Variants in NCALD observed in about 807,000 individuals in gnomAD.
NCALD encodes neurocalcin delta.
NCALD carries 10 observed loss-of-function variants against 18.6 expected under a neutral mutation model. The ratio of observed to expected loss-of-function variants is 0.54; its 90% confidence interval spans 0.33 to 0.91. The LOEUF is 0.91. NCALD is among the 40% of genes least tolerant of loss of function. NCALD has a pLI of 0.03. For synonymous variants in NCALD, 88 were observed against 87.4 expected, an observed-to-expected ratio of 1.01 and a Z score of -0.04; for missense variants, 184 against 247.6, an observed-to-expected ratio of 0.74 and a Z score of 1.72.
intron 4 of NCALD, among the ~76,000 whole-genome samples, chr8:101,839,832 G>A (rs187432913): frequency 4.6e-5 from 7 of 152,164 alleles, no homozygotes; most frequent in Admixed American, 3.9e-4. Flanking sequence ...GTCCCTGAGA[G>A]GGAAGCTGTC....
chr8:101,754,980 T>C (rs1810815171), intron 1 of NCALD, among the ~76,000 whole-genome samples: 1 of 152,238 alleles, frequency 6.6e-6, no homozygotes, highest in South Asian at 2.1e-4. Context: ...AGACAGGTCT[T>C]CTAACTCCAA....
chr8:102,067,184 T>C (rs16868996), intron 1 of NCALD, among the ~76,000 whole-genome samples: 7,084 of 152,264 alleles, frequency 0.047, 216 homozygotes, highest in South Asian at 0.082. Flanking sequence ...CCACCTGTTA[T>C]ATGTGCAAAC....
At chr8:101,886,780 AG>A (rs1816689556) in intron 4 of NCALD, among the ~76,000 whole-genome samples, 1 of 152,210 alleles carries the variant, frequency 6.6e-6, no homozygotes, top group Non-Finnish European at 1.5e-5. Context: ...TTGGAAAGTA[AG>A]GAGGGGTATA....
chr8:101,728,657 A>G (rs1447736904), intron 1 of NCALD, among the ~76,000 whole-genome samples: 4 of 152,138 alleles, frequency 2.6e-5, no homozygotes, highest in Non-Finnish European at 5.9e-5. Context: ...CATCTCTACT[A>G]AAAATACAAA....
At chr8:102,040,928 C>T (rs1322602754) in intron 1 of NCALD, among the ~76,000 whole-genome samples, 1 of 152,000 alleles carries the variant, frequency 6.6e-6, no homozygotes, top group Non-Finnish European at 1.5e-5. Context: ...GGTTTCTGGG[C>T]GCTGATGTGG....
chr8:102,095,031 G>A (rs1478924937), intron 1 of NCALD, among the ~76,000 whole-genome samples: 1 of 152,210 alleles, frequency 6.6e-6, no homozygotes, highest in African/African-American at 2.4e-5. Flanking sequence ...CACTCAATTT[G>A]TTCTAATTTG....
chr8:102,087,771 G>A (rs1824787450), intron 1 of NCALD, among the ~76,000 whole-genome samples: 1 of 152,136 alleles, frequency 6.6e-6, no homozygotes, highest in South Asian at 2.1e-4. Context: ...AAACTTGAGA[G>A]CTGATGAGAC....
At chr8:101,860,192 G>A (rs761481684) in intron 4 of NCALD, among the ~76,000 whole-genome samples, 3 of 152,150 alleles carry the variant, frequency 2.0e-5, no homozygotes, top group African/African-American at 7.2e-5. Flanking sequence ...ATACATGCAA[G>A]TATTAAAACT....
intron 1 of NCALD, among the ~76,000 whole-genome samples, chr8:101,763,735 T>C (rs1269488932): frequency 2.0e-5 from 3 of 152,008 alleles, no homozygotes; most frequent in African/African-American, 7.3e-5. Flanking sequence ...TAACAGAGAA[T>C]TTCTCCTGCC....
intron 4 of NCALD, among the ~76,000 whole-genome samples, chr8:101,878,095 A>G (rs1816305598): frequency 1.3e-5 from 2 of 152,232 alleles, no homozygotes; most frequent in Admixed American, 1.3e-4. Context: ...CTAAGTGGCC[A>G]AGGGTGGGAA....
intron 4 of NCALD, among the ~76,000 whole-genome samples, chr8:101,846,229 G>T (rs1010288128): frequency 2.0e-5 from 3 of 152,092 alleles, no homozygotes; most frequent in African/African-American, 7.2e-5. Context: ...TCTATTTTTA[G>T]TTTTTTGAGG....
At chr8:101,972,802 G>T (rs1392006795) in intron 2 of NCALD, among the ~76,000 whole-genome samples, 1 of 152,200 alleles carries the variant, frequency 6.6e-6, no homozygotes, top group East Asian at 1.9e-4. Context: ...CAATTCAGCT[G>T]TCCTGAGCTA....
intron 2 of NCALD, among the ~76,000 whole-genome samples, chr8:101,962,009 G>T (rs971942490): frequency 1.2e-4 from 19 of 152,114 alleles, no homozygotes; most frequent in African/African-American, 4.6e-4. Context: ...CAGTCCAAGA[G>T]ACATCAGTTT....
chr8:101,822,537 G>C (rs1026206956), intron 4 of NCALD, among the ~76,000 whole-genome samples: 1 of 152,146 alleles, frequency 6.6e-6, no homozygotes, highest in African/African-American at 2.4e-5. Context: ...TGGAAAGGGC[G>C]AAGAGGGAGA....
chr8:101,896,285 G>A (rs1372114913), intron 3 of NCALD, among the ~76,000 whole-genome samples: 10 of 151,872 alleles, frequency 6.6e-5, no homozygotes, highest in African/African-American at 1.2e-4. Flanking sequence ...TATTTAATAA[G>A]TGGTGCTGGG....
In NCALD at chr8:101,689,561, G is replaced by A. The variant is rs964514638; in HGVS notation, c.485-155C>T. ...CTCACCTGTCCCGGGGAAGAGCCCAGTGGAATCTCCAGGAACACTGCTGCC... is the reference window on the plus strand; with the variant it reads ...CTCACCTGTCCCGGGGAAGAGCCCAATGGAATCTCCAGGAACACTGCTGCC... On this transcript the variant is annotated intron_variant, in intron 3 of 3. Coordinates refer to ENST00000220931, the MANE Select transcript of NCALD (RefSeq NM_032041.3). The surrounding 1 kb of genome is among the most constrained non-coding windows in gnomAD (Gnocchi z 4.4). 1.3e-5 allele frequency among the ~76,000 whole-genome samples: 2 copies of A among 152,242 alleles called. No individual in the cohort carries two copies. The highest frequency in any genetic ancestry group is 2.9e-5 in the Non-Finnish European group (2 of 68,044).
At position 101,688,721 on chromosome 8, in the gene NCALD, C is replaced by T; in HGVS notation, c.*588G>A. ...ATAGCTGAGCCATCTTTTTCCTCTC[C>T]TCTGTTAATTTATCTTGAAATGTTC... On this transcript the variant is annotated 3_prime_UTR_variant, in exon 4 of 4. Transcript: ENST00000220931. The T allele has an allele frequency of 2.0e-6, 1 of 497,096 alleles. No individual in the cohort carries two copies. The highest frequency in any genetic ancestry group is 1.5e-5 in the South Asian group (1 of 64,924). The allele number at this position is 497,096 out of a possible 1,614,324, so 30.8% of individuals were successfully genotyped here.
intron 4 of NCALD, chr8:101,847,281 C>T (rs530711420): frequency 9.8e-5 from 24 of 244,538 alleles, no homozygotes; most frequent in African/African-American, 5.2e-4. Context: ...GTGCCAATGT[C>T]GTAACAAGGT....
At chr8:102,121,892 G>C (rs1825955643) in intron 1 of NCALD, among the ~76,000 whole-genome samples, 1 of 152,122 alleles carries the variant, frequency 6.6e-6, no homozygotes, top group African/African-American at 2.4e-5. Context: ...CCTCCTCTCT[G>C]TCTATTATTC....
Sources: allele counts gnomAD v4.1 joint callset (sites outside exome capture counted in the v4.1 genomes callset), GRCh38; gene constraint gnomAD v4.1.1; non-coding constraint Gnocchi (gnomAD v3.1); transcripts MANE v1.5; gene names NCBI Gene and HGNC (gene_info 2026-07-23, HGNC 2026-07-21).